Variants in IL1RAPL2 observed in about 807,000 individuals in gnomAD.
IL1RAPL2 encodes X-linked interleukin-1 receptor accessory protein-like 2.
A neutral mutation model predicts 44.1 loss-of-function variants in IL1RAPL2; 3 were observed. That is an observed-to-expected ratio of 0.07 (90% CI 0.03 to 0.18). The LOEUF (loss-of-function observed/expected upper bound fraction) is 0.18, where lower values mean the gene tolerates loss of function less well. Ranked by LOEUF, IL1RAPL2 falls within the 10% of genes least tolerant of loss-of-function variation. The pLI, the probability that IL1RAPL2 is intolerant of heterozygous loss-of-function variation, is 1.00. For synonymous variants in IL1RAPL2, 181 were observed against 178.8 expected, an observed-to-expected ratio of 1.01 and a Z score of -0.10; for missense variants, 391 against 496.4, an observed-to-expected ratio of 0.79 and a Z score of 2.02.
At chrX:104,675,225 T>A (rs1227484233) in intron 2 of IL1RAPL2, among the ~76,000 whole-genome samples, 2 of 111,304 alleles carry the variant, frequency 1.8e-5, no homozygotes, top group Non-Finnish European at 3.8e-5. Context: ...TGCTTTCTCT[T>A]GTGGGCATTT....
At chrX:105,328,398 A>T (rs1052415995) in intron 5 of IL1RAPL2, among the ~76,000 whole-genome samples, 1 of 111,994 alleles carries the variant, frequency 8.9e-6, no homozygotes, top group Non-Finnish European at 1.9e-5. Context: ...CTTAATTCTC[A>T]TGGCTCTAAC....
intron 5 of IL1RAPL2, among the ~76,000 whole-genome samples, chrX:105,368,145 T>C (rs927149443): frequency 1.8e-5 from 2 of 111,122 alleles, no homozygotes; most frequent in Non-Finnish European, 3.8e-5. Context: ...TAAATTAATG[T>C]CCTTCTCTGG....
chrX:104,627,025 G>A (rs1384351357), intron 1 of IL1RAPL2, among the ~76,000 whole-genome samples: 4 of 108,868 alleles, frequency 3.7e-5, no homozygotes. Flanking sequence ...CACCATTTTG[G>A]CCAGGATGGT....
intron 2 of IL1RAPL2, among the ~76,000 whole-genome samples, chrX:105,055,811 A>G (rs1024403946): frequency 9.0e-6 from 1 of 111,334 alleles, no homozygotes; most frequent in African/African-American, 3.3e-5. Context: ...TTTTTCCTGA[A>G]AAAGCCCAGT....
intron 5 of IL1RAPL2, among the ~76,000 whole-genome samples, chrX:105,399,576 A>ATAT (rs2035591083): frequency 9.0e-6 from 1 of 111,279 alleles, no homozygotes; most frequent in South Asian, 3.7e-4. Flanking sequence ...ACCTGACACA[A>ATAT]AGTCTGGCAT....
chrX:105,075,309 T>A (rs1459608227), intron 2 of IL1RAPL2, among the ~76,000 whole-genome samples: 2 of 112,225 alleles, frequency 1.8e-5, no homozygotes, highest in Admixed American at 1.9e-4. Flanking sequence ...TCATGTGGTT[T>A]TTGTCTTTGG....
intron 2 of IL1RAPL2, among the ~76,000 whole-genome samples, chrX:104,670,440 C>G (rs1930572210): frequency 9.0e-6 from 1 of 111,334 alleles, no homozygotes; most frequent in Admixed American, 9.5e-5. Flanking sequence ...GGTGGATCTG[C>G]CTGTCAAGTC....
chrX:105,201,534 A>G (rs1203798672), intron 3 of IL1RAPL2, among the ~76,000 whole-genome samples: 1 of 112,039 alleles, frequency 8.9e-6, no homozygotes, highest in Non-Finnish European at 1.9e-5. Flanking sequence ...TTTTTATTTC[A>G]GTCAACAAAC....
intron 6 of IL1RAPL2, among the ~76,000 whole-genome samples, chrX:105,681,027 C>A (rs1007611225): frequency 5.4e-5 from 6 of 111,791 alleles, no homozygotes; most frequent in African/African-American, 2.0e-4. Context: ...GGGGATCCAG[C>A]AAGGCCTATC....
intron 4 of IL1RAPL2, among the ~76,000 whole-genome samples, chrX:105,264,751 C>T (rs2034388888): frequency 8.9e-6 from 1 of 111,895 alleles, no homozygotes; most frequent in Non-Finnish European, 1.9e-5. Flanking sequence ...AGCAAATTTG[C>T]TGAAGATGAC....
intron 2 of IL1RAPL2, among the ~76,000 whole-genome samples, chrX:105,085,898 T>C (rs2032473595): frequency 8.9e-6 from 1 of 112,092 alleles, no homozygotes; most frequent in African/African-American, 3.2e-5. Context: ...ATTAAAATCA[T>C]AAGAAAGATA....
chrX:105,406,653 A>C, intron 5 of IL1RAPL2: 3 of 1,148,581 alleles, frequency 2.6e-6, no homozygotes, highest in Non-Finnish European at 3.6e-6. Context: ...TTGCTGTGCA[A>C]ATCTTGAATG....
chrX:105,601,433 C>A (rs1315859954), intron 6 of IL1RAPL2, among the ~76,000 whole-genome samples: 1 of 111,118 alleles, frequency 9.0e-6, no homozygotes, highest in Non-Finnish European at 1.9e-5. Flanking sequence ...GACACAAAAG[C>A]TTGAGATGGC....
In IL1RAPL2 at chrX:104,898,997, C is replaced by T. The variant is rs747686859; in HGVS notation, c.82+240002C>T. On this transcript the variant is annotated intron_variant, in intron 2 of 10. Transcript: ENST00000372582. ...TCCAGTGGGAGTATAGGTATAAATA[C>T]CAAGCAATTTGAATTAAACAGATTA... Among the ~76,000 whole-genome samples, 3 of 111,795 alleles carry T rather than the reference C, an allele frequency of 2.7e-5. No homozygotes were observed. The East Asian group carries it at 8.5e-4, about 32-fold the overall frequency.
intron 1 of IL1RAPL2, among the ~76,000 whole-genome samples, chrX:104,567,449 G>C (rs1446600310): frequency 2.7e-5 from 3 of 112,680 alleles, no homozygotes; most frequent in Non-Finnish European, 3.8e-5. Flanking sequence ...CTGGAGCTGG[G>C]AAGAGGCTCA....
At chrX:104,745,279 A>T (rs1358293996) in intron 2 of IL1RAPL2, among the ~76,000 whole-genome samples, 1 of 111,032 alleles carries the variant, frequency 9.0e-6, no homozygotes, top group Non-Finnish European at 1.9e-5. Flanking sequence ...GGTAGATCAG[A>T]TTGGTTTTGT....
intron 5 of IL1RAPL2, among the ~76,000 whole-genome samples, chrX:105,315,578 G>GTGTATATATATATATATATA (rs1433365173): frequency 4.6e-5 from 1 of 21,815 alleles, no homozygotes; most frequent in Non-Finnish European, 1.7e-4. Flanking sequence ...ACTAATGGAT[G>GTGTATATATATATATATATA]TATATATATA....
intron 5 of IL1RAPL2, among the ~76,000 whole-genome samples, chrX:105,277,534 C>G (rs1696473796): frequency 9.0e-6 from 1 of 111,455 alleles, no homozygotes; most frequent in Admixed American, 9.5e-5. Context: ...CTCTGCAGCT[C>G]ATCTCCTCAG....
chrX:104,899,044 A>G (rs1023213269), intron 2 of IL1RAPL2, among the ~76,000 whole-genome samples: 14 of 112,099 alleles, frequency 1.2e-4, no homozygotes, highest in Non-Finnish European at 2.3e-4. Context: ...TGCTATTCCA[A>G]TTGCTTGTCA....
Sources: gnomAD v4.1 joint callset for allele counts (sites outside exome capture counted in the v4.1 genomes callset) on GRCh38, gnomAD v4.1.1 for gene constraint, MANE v1.5 for transcripts, NCBI Gene and HGNC (gene_info 2026-07-23, HGNC 2026-07-21) for gene names.